The following MAP2 variants were observed in gnomAD, a reference collection of about 807,000 sequenced individuals.
The protein encoded by MAP2 is microtubule-associated protein 2.
In MAP2, 14 loss-of-function variants were observed where a neutral mutation model predicts 137.6. That is an observed-to-expected ratio of 0.10 (90% CI 0.07 to 0.16). MAP2 has a LOEUF of 0.16. Ranked by LOEUF, MAP2 falls within the 10% of genes least tolerant of loss-of-function variation. The probability of loss-of-function intolerance (pLI) is 1.00; values close to 1 mark genes in which losing one functional copy is unlikely to be tolerated. For missense variants in MAP2, 2,088 were observed against 2,191.5 expected, an observed-to-expected ratio of 0.95 and a Z score of 0.94; for synonymous variants, 786 against 782.3, an observed-to-expected ratio of 1.00 and a Z score of -0.08.
chr2:209,705,450 A>T, intron 11 of MAP2, 130 bp from the exon 12 acceptor site: 1 of 613,144 alleles, frequency 1.6e-6, no homozygotes, highest in Non-Finnish European at 2.5e-6. Flanking sequence ...TTATAAATAT[A>T]TGAAATCCAG....
intron 2 of MAP2, among the ~76,000 whole-genome samples, chr2:209,563,361 G>A (rs180720309): frequency 6.6e-6 from 1 of 151,004 alleles, no homozygotes; most frequent in Non-Finnish European, 1.5e-5. Flanking sequence ...TAAAAGTAAC[G>A]GCAAAAAATG....
chr2:209,513,076 C>T (rs184954947), intron 2 of MAP2, among the ~76,000 whole-genome samples: 2 of 152,166 alleles, frequency 1.3e-5, no homozygotes, highest in East Asian at 3.9e-4. Context: ...ATTAAGCAGA[C>T]TTGCACTTAA....
chr2:209,729,977 T>C lies in MAP2; in HGVS notation c.5268+15T>C. 6.6e-7 allele frequency: 1 copy of C among 1,518,834 alleles called. No homozygotes were observed. Among genetic ancestry groups the C allele is most frequent in the Non-Finnish European group, 9.0e-7 (1 of 1,114,886 alleles). 94.1% of individuals were successfully genotyped at this position (1,518,834 alleles called of 1,614,324 possible). A position where few individuals can be genotyped will look rare whatever the true frequency, so the allele number is the denominator to read the frequency against. ...GTAATGTCAAGGTAAGAAACAAGGT[T>C]ATGAGCCAATCTTGTCTTTTTAAAA... On this transcript the variant is annotated intron_variant, in intron 15 of 15. Transcript: ENST00000682079.
At chr2:209,564,052 T>C (rs538438741) in intron 2 of MAP2, among the ~76,000 whole-genome samples, 1 of 152,224 alleles carries the variant, frequency 6.6e-6, no homozygotes, top group Non-Finnish European at 1.5e-5. Context: ...TGAAGGTCAG[T>C]TAGTCTTAAA....
intron 4 of MAP2, among the ~76,000 whole-genome samples, chr2:209,639,851 A>G (rs2093871421): frequency 6.6e-6 from 1 of 151,738 alleles, no homozygotes; most frequent in Non-Finnish European, 1.5e-5. Flanking sequence ...TTGGTGCTGG[A>G]GGTCAGAGAT....
chr2:209,483,235 C>T (rs1025162728), intron 1 of MAP2, among the ~76,000 whole-genome samples: 6 of 151,906 alleles, frequency 3.9e-5, no homozygotes, highest in African/African-American at 1.5e-4. Flanking sequence ...TGATCAAAGA[C>T]AATTTGTGAA....
intron 1 of MAP2, among the ~76,000 whole-genome samples, chr2:209,429,603 A>G (rs916410216): frequency 1.3e-5 from 2 of 152,184 alleles, no homozygotes; most frequent in African/African-American, 4.8e-5. Context: ...ATCTACCTCA[A>G]AAATGACCAT....
intron 1 of MAP2, among the ~76,000 whole-genome samples, chr2:209,487,651 C>T (rs572836304): frequency 6.6e-6 from 1 of 152,294 alleles, no homozygotes; most frequent in South Asian, 2.1e-4. Context: ...CAAGGAAAAA[C>T]TCAGACTTTG....
intron 5 of MAP2, chr2:209,661,455 T>C (rs1427802469): frequency 1.0e-6 from 1 of 956,912 alleles, no homozygotes; most frequent in Non-Finnish European, 1.2e-6. Flanking sequence ...GCCATTTCCC[T>C]GAGCTCCGCA....
chr2:209,654,628 A>C (rs1014069229), intron 5 of MAP2, among the ~76,000 whole-genome samples: 2 of 152,168 alleles, frequency 1.3e-5, no homozygotes, highest in Non-Finnish European at 2.9e-5. Context: ...ATATTTTTCT[A>C]TAGCTGAGTA....
intron 2 of MAP2, among the ~76,000 whole-genome samples, chr2:209,554,709 T>G (rs1272792047): frequency 2.0e-5 from 3 of 151,762 alleles, no homozygotes; most frequent in Non-Finnish European, 4.4e-5. Flanking sequence ...GTGCCTGAAT[T>G]ATTCCACTGC....
chr2:209,593,736 ATACAT>A (rs1559371786), intron 3 of MAP2, among the ~76,000 whole-genome samples: 1 of 3,014 alleles, frequency 3.3e-4, no homozygotes, highest in Non-Finnish European at 8.2e-4. Flanking sequence ...ATATAATATA[ATACAT>A]TATATTATAT....
intron 13 of MAP2, among the ~76,000 whole-genome samples, chr2:209,716,929 T>C (rs925401153): frequency 6.6e-6 from 1 of 152,142 alleles, no homozygotes; most frequent in Admixed American, 6.5e-5. Context: ...ATTCCATATA[T>C]GTTTGTGCCA....
intron 7 of MAP2, 112 bp from the exon 8 acceptor site, chr2:209,692,513 T>C (rs2059203978): frequency 8.3e-7 from 1 of 1,205,190 alleles, no homozygotes; most frequent in Admixed American, 2.6e-5. Flanking sequence ...GCATGTTCCA[T>C]AATTTTTGTT....
intron 1 of MAP2, among the ~76,000 whole-genome samples, chr2:209,447,176 TA>T (rs1412646300): frequency 6.6e-6 from 1 of 152,164 alleles, no homozygotes; most frequent in Non-Finnish European, 1.5e-5. Context: ...GTGCCTGGAC[TA>T]AAACATCCTT....
At chr2:209,712,651 T>C (rs2065890758) in intron 13 of MAP2, among the ~76,000 whole-genome samples, 1 of 152,180 alleles carries the variant, frequency 6.6e-6, no homozygotes, top group African/African-American at 2.4e-5. Flanking sequence ...GAACTGTCTT[T>C]GTAGGAAAAA....
At chr2:209,578,065 A>G (rs1395145238) in intron 2 of MAP2, among the ~76,000 whole-genome samples, 2 of 152,174 alleles carry the variant, frequency 1.3e-5, no homozygotes, top group African/African-American at 4.8e-5. Flanking sequence ...AACAGAACAA[A>G]AGAGAGCAGG....
At chr2:209,605,813 A>C (rs1186429935) in intron 3 of MAP2, among the ~76,000 whole-genome samples, 1 of 152,064 alleles carries the variant, frequency 6.6e-6, no homozygotes, top group Non-Finnish European at 1.5e-5. Flanking sequence ...TGTTCTCATG[A>C]TTTGCCTGTT....
intron 5 of MAP2, 148 bp downstream of exon 5, chr2:209,653,580 A>G (rs1413718593): frequency 5.5e-6 from 4 of 728,218 alleles, no homozygotes; most frequent in South Asian, 7.5e-5. Context: ...AAGAAGAGAA[A>G]AATCATGGCA....
Sources: allele counts gnomAD v4.1 joint callset (sites outside exome capture counted in the v4.1 genomes callset), GRCh38; gene constraint gnomAD v4.1.1; transcripts MANE v1.5; gene names NCBI Gene and HGNC (gene_info 2026-07-23, HGNC 2026-07-21).